BLOC1S5: variants seen among roughly 807,000 people sequenced by gnomAD.
BLOC1S5 encodes biogenesis of lysosomal organelles complex 1 subunit 5.
In BLOC1S5, 27 loss-of-function variants were observed where a neutral mutation model predicts 24.3. The ratio of observed to expected loss-of-function variants is 1.11; its 90% CI spans 0.82 to 1.53. The LOEUF (loss-of-function observed/expected upper bound fraction) is 1.53, where lower values mean the gene tolerates loss of function less well. Among genes scored for constraint, BLOC1S5 ranks in the 40% most tolerant of loss-of-function variants. The probability of loss-of-function intolerance (pLI) is 0.00; values close to 1 mark genes in which losing one functional copy is unlikely to be tolerated. For missense variants in BLOC1S5, 239 were observed against 229.4 expected (o/e 1.04, Z -0.27); for synonymous variants, 84 against 74.5 (o/e 1.13, Z -0.66).
At chr6:8,052,257 G>A (rs527515759) in intron 2 of BLOC1S5, among the ~76,000 whole-genome samples, 15 of 152,132 alleles carry the variant, frequency 9.9e-5, no homozygotes, top group Admixed American at 4.6e-4. Context: ...GTGAGCCACC[G>A]CGCCCGAGGT....
intron 2 of BLOC1S5, among the ~76,000 whole-genome samples, chr6:8,045,841 C>T (rs571609049): frequency 5.3e-5 from 8 of 152,306 alleles, no homozygotes; most frequent in East Asian, 1.9e-4. Flanking sequence ...GTAACTATCT[C>T]GCTTTTGATT....
At position 8,015,165 on chromosome 6, in the gene BLOC1S5, C is replaced by G. The variant is rs937777028; in HGVS notation, c.*484G>C. ...TGAAATGTGATCTCTGCTCCAAGGA[C>G]AGCTGGCTTTTTTTTTTGTCTACAT... On this transcript the variant is annotated 3_prime_UTR_variant, in exon 5 of 5. Coordinates refer to ENST00000397457, the MANE Select transcript of BLOC1S5 (RefSeq NM_201280.3). 2.9e-5 allele frequency: 3 copies of G among 104,552 alleles called. No homozygotes were observed. Among genetic ancestry groups the G allele is most frequent in the Non-Finnish European group, 6.1e-5 (3 of 48,818 alleles). The allele number at this position is 104,552 out of a possible 1,614,324, so 6.5% of individuals were successfully genotyped here. A position where few individuals can be genotyped will look rare whatever the true frequency, so the allele number is the denominator to read the frequency against.
At chr6:8,016,325 CA>C (rs546943980) in intron 4 of BLOC1S5, among the ~76,000 whole-genome samples, 26 of 140,606 alleles carry the variant, frequency 1.8e-4, no homozygotes, top group South Asian at 4.6e-4. Flanking sequence ...GACTCCGTCT[CA>C]AAAAAAAAAA....
intron 4 of BLOC1S5, among the ~76,000 whole-genome samples, chr6:8,025,358 C>G (rs1432772934): frequency 6.6e-6 from 1 of 152,228 alleles, no homozygotes; most frequent in Non-Finnish European, 1.5e-5. Flanking sequence ...CCAGCACTCT[C>G]TGCACGCTGT....
At chr6:8,045,411 G>C (rs1185358933) in intron 2 of BLOC1S5, among the ~76,000 whole-genome samples, 2 of 152,184 alleles carry the variant, frequency 1.3e-5, no homozygotes, top group African/African-American at 4.8e-5. Context: ...GTGCAGAAGG[G>C]AAATGTGGGG....
Position 8,035,660 on chromosome 6 carries a change from T to C in BLOC1S5, c.325+5479A>G, listed in dbSNP as rs374897917. Reference sequence around the variant, plus strand: ...GACAAAGAAGGTCACTATATAATCATACAGGGGTCAATTCAGCAAGAGGGT... The same window carrying C: ...GACAAAGAAGGTCACTATATAATCACACAGGGGTCAATTCAGCAAGAGGGT... On this transcript the variant is annotated intron_variant, in intron 3 of 4. Coordinates refer to ENST00000397457, the MANE Select transcript of BLOC1S5 (RefSeq NM_201280.3). Among the ~76,000 whole-genome samples, 3 of 152,292 alleles carry C rather than the reference T, an allele frequency of 2.0e-5. No homozygotes were observed. In the East Asian group the frequency reaches 5.8e-4, roughly 29 times the overall value.
chr6:8,022,670 C>T (rs1168135135), intron 4 of BLOC1S5, among the ~76,000 whole-genome samples: 22 of 134,734 alleles, frequency 1.6e-4, no homozygotes, highest in Admixed American at 3.0e-4. Context: ...CTGCAAGCTC[C>T]GCCTCCCGGG....
At chr6:8,051,928 G>T (rs1215313661) in intron 2 of BLOC1S5, among the ~76,000 whole-genome samples, 1 of 150,320 alleles carries the variant, frequency 6.7e-6, no homozygotes, top group Non-Finnish European at 1.5e-5. Context: ...TAGACAAGAA[G>T]ATGCGTGTTG....
chr6:8,016,764 C>G (rs566911971), intron 4 of BLOC1S5, among the ~76,000 whole-genome samples: 1 of 151,490 alleles, frequency 6.6e-6, no homozygotes, highest in African/African-American at 2.4e-5. Flanking sequence ...GCCTGTGATC[C>G]CAGCTACTCG....
At chr6:8,062,878 C>G (rs1369929840) in intron 1 of BLOC1S5, among the ~76,000 whole-genome samples, 1 of 152,094 alleles carries the variant, frequency 6.6e-6, no homozygotes, top group Non-Finnish European at 1.5e-5. Flanking sequence ...AAAACTCTTG[C>G]ACAAATGAGT....
At chr6:8,043,961 T>A (rs752668302) in intron 2 of BLOC1S5, among the ~76,000 whole-genome samples, 1 of 152,142 alleles carries the variant, frequency 6.6e-6, no homozygotes, top group Non-Finnish European at 1.5e-5. Flanking sequence ...TGCTTCTTCC[T>A]CATTTTCTCT....
chr6:8,020,985 G>C (rs1762896446), intron 4 of BLOC1S5, among the ~76,000 whole-genome samples: 1 of 152,132 alleles, frequency 6.6e-6, no homozygotes, highest in Non-Finnish European at 1.5e-5. Flanking sequence ...AATAGCCAAA[G>C]GTGGGAGAAC....
In BLOC1S5 at chr6:8,041,166, C is replaced by G. The variant is rs1422024806; in HGVS notation, c.298G>C (p.Asp100His). ...CTCTGGAGAACCTGGCTGAGGCTGT[C>G]CCGCATTGTGTCTCTACATTTGGGA... is the stretch of plus-strand genomic sequence containing the variant. Reference protein sequence around the residue: ...TLPKCRDTMRDSLSQVLQRLQ... With the variant: ...TLPKCRDTMRHSLSQVLQRLQ... The change falls in exon 3 of 5, where the codon GAC becomes CAC. Residue 100 changes from aspartate (D) to histidine (H), a missense_variant. Asp to His is a moderately conservative substitution (Grantham distance 81). Transcript: ENST00000397457. 6.2e-7 allele frequency: 1 copy of G among 1,608,774 alleles called. No homozygotes were observed. Among genetic ancestry groups the G allele is most frequent in the South Asian group, 1.1e-5 (1 of 89,314 alleles).
chr6:8,055,022 G>T (rs7765563), intron 2 of BLOC1S5, among the ~76,000 whole-genome samples: 30,475 of 151,980 alleles, frequency 0.2, 3,430 homozygotes, highest in African/African-American at 0.3. Flanking sequence ...TCTTTCACCT[G>T]ACCTTTTATT....
At chr6:8,027,104 C>G (rs534406210) in intron 3 of BLOC1S5, 1 of 309,656 alleles carries the variant, frequency 3.2e-6, no homozygotes, top group African/African-American at 2.2e-5. Flanking sequence ...AACACTCTAC[C>G]GCCTCTTTAA....
At chr6:8,024,874 G>A (rs1476427802) in intron 4 of BLOC1S5, among the ~76,000 whole-genome samples, 1 of 152,208 alleles carries the variant, frequency 6.6e-6, no homozygotes, top group Non-Finnish European at 1.5e-5. Flanking sequence ...CGAGGAGCTG[G>A]AAGCTCAAGG....
Position 8,041,168 on chromosome 6 carries a change from C to T in BLOC1S5, c.296G>A (p.Arg99Gln), listed in dbSNP as rs776543181. ...HTLPKCRDTM[R>Q]DSLSQVLQRL... is the part of the protein sequence containing the mutation. ...CTGGAGAACCTGGCTGAGGCTGTCC[C>T]GCATTGTGTCTCTACATTTGGGAAG... Residue 99 changes from arginine (R) to glutamine (Q), a missense_variant, in exon 3 of 5, where the codon CGG (arginine) becomes CAG (glutamine). By Grantham distance (43) the Arg-to-Gln change is conservative. Coordinates refer to ENST00000397457, the MANE Select transcript of BLOC1S5 (RefSeq NM_201280.3). 47 of 1,608,830 alleles carry T rather than the reference C, an allele frequency of 2.9e-5. No individual in the cohort carries two copies. The highest frequency in any genetic ancestry group is 8.5e-5 in the Admixed American group (5 of 59,150).
At chr6:8,036,447 C>A (rs1763491819) in intron 3 of BLOC1S5, among the ~76,000 whole-genome samples, 1 of 152,098 alleles carries the variant, frequency 6.6e-6, no homozygotes. Context: ...TTCCTAAATA[C>A]ATACAAGCTA....
intron 3 of BLOC1S5, among the ~76,000 whole-genome samples, chr6:8,036,536 C>G (rs1452381933): frequency 6.6e-6 from 1 of 152,036 alleles, no homozygotes; most frequent in East Asian, 1.9e-4. Flanking sequence ...GATAAAGTCT[C>G]CTATCGAAGA....
Sources: gnomAD v4.1 joint callset for allele counts (sites outside exome capture counted in the v4.1 genomes callset) on GRCh38, gnomAD v4.1.1 for gene constraint, MANE v1.5 for transcripts, NCBI Gene and HGNC (gene_info 2026-07-23, HGNC 2026-07-21) for gene names.